Variants in TRDN observed in about 807,000 individuals in gnomAD.
TRDN encodes triadin.
A neutral mutation model predicts 149.7 loss-of-function variants in TRDN; 161 were observed. The ratio of observed to expected loss-of-function variants is 1.08; its 90% CI spans 0.95 to 1.23. TRDN has a LOEUF of 1.23. Ranked by LOEUF, TRDN falls within the 50% of genes most tolerant of loss-of-function variation. The pLI is 0.00. For synonymous variants in TRDN, 294 were observed against 250.5 expected, an observed-to-expected ratio of 1.17 and a Z score of -1.64; for missense variants, 896 against 823.5, an observed-to-expected ratio of 1.09 and a Z score of -1.08.
chr6:123,441,662 C>T (rs1042302586), intron 10 of TRDN, among the ~76,000 whole-genome samples: 4 of 152,154 alleles, frequency 2.6e-5, no homozygotes, highest in Non-Finnish European at 5.9e-5. Flanking sequence ...ACTTTCTAAG[C>T]CCTCACAATG....
intron 10 of TRDN, among the ~76,000 whole-genome samples, chr6:123,460,698 G>C (rs374703147): frequency 6.6e-6 from 1 of 151,922 alleles, no homozygotes; most frequent in East Asian, 1.9e-4. Context: ...AGGTAATAAA[G>C]TTCTTGGTTT....
rs183476202 is a variant in TRDN, at chr6:123,567,997, G to A, written c.232+2926C>T. On this transcript the variant is annotated intron_variant, in intron 2 of 40. Coordinates refer to ENST00000334268, the MANE Select transcript of TRDN (RefSeq NM_006073.4). ...CTGGAAATAAATTCCTTCCACCTAT[G>A]AGCCTGTAAAATCAAAAGAAGTTAT... 1.7e-3 allele frequency among the ~76,000 whole-genome samples: 265 copies of A among 152,190 alleles called. 1 individual carries two copies. Among genetic ancestry groups the A allele is most frequent in the African/African-American group, 6.1e-3 (254 of 41,506 alleles).
chr6:123,276,887 C>T (rs1777386632), intron 26 of TRDN, among the ~76,000 whole-genome samples: 1 of 152,094 alleles, frequency 6.6e-6, no homozygotes, highest in Admixed American at 6.6e-5. Flanking sequence ...GTTAATGGGA[C>T]CTCCTGTGGT....
chr6:123,426,844 T>C (rs1047553748), intron 12 of TRDN, among the ~76,000 whole-genome samples: 2 of 152,150 alleles, frequency 1.3e-5, no homozygotes, highest in South Asian at 2.1e-4. Context: ...ATACTGTTCT[T>C]AATTGCAGAG....
rs74770111 is a variant in TRDN, at chr6:123,301,137, T to C, written c.1510+15320A>G. ...TCTTAGCTTTACTTTAGGTTTCCAATTCAAAATAGCGCACAATTTCAAATT... is the reference window on the plus strand; with the variant it reads ...TCTTAGCTTTACTTTAGGTTTCCAACTCAAAATAGCGCACAATTTCAAATT... On this transcript the variant is annotated intron_variant, in intron 24 of 40. Coordinates refer to ENST00000334268, the MANE Select transcript of TRDN (RefSeq NM_006073.4). Among the ~76,000 whole-genome samples, 19 of 152,112 alleles carry C rather than the reference T, an allele frequency of 1.2e-4. No individual in the cohort carries two copies. The East Asian group carries it at 3.7e-3, about 29-fold the overall frequency.
At chr6:123,232,992 T>C (rs1162106283) in intron 38 of TRDN, among the ~76,000 whole-genome samples, 1 of 152,064 alleles carries the variant, frequency 6.6e-6, no homozygotes, top group African/African-American at 2.4e-5. Context: ...TAAGTAAACA[T>C]GTGGAATCCT....
At chr6:123,506,624 G>A (rs916592027) in intron 7 of TRDN, among the ~76,000 whole-genome samples, 1 of 152,054 alleles carries the variant, frequency 6.6e-6, no homozygotes, top group Non-Finnish European at 1.5e-5. Flanking sequence ...GAGTAGCTGG[G>A]ATTTCAGGTG....
intron 12 of TRDN, among the ~76,000 whole-genome samples, chr6:123,417,173 C>T (rs1283573082): frequency 2.0e-5 from 3 of 152,188 alleles, no homozygotes; most frequent in African/African-American, 7.2e-5. Flanking sequence ...CTCAGTCCTG[C>T]ATCTCCCTTT....
At chr6:123,298,203 G>T (rs1379722991) in intron 24 of TRDN, among the ~76,000 whole-genome samples, 1 of 152,030 alleles carries the variant, frequency 6.6e-6, no homozygotes, top group Non-Finnish European at 1.5e-5. Flanking sequence ...TTCTAATAAT[G>T]AAACTAGCCA....
chr6:123,332,727 A>G (rs1023987591), intron 22 of TRDN, among the ~76,000 whole-genome samples: 2 of 152,066 alleles, frequency 1.3e-5, no homozygotes, highest in African/African-American at 4.8e-5. Context: ...AAAGAAAGAG[A>G]TCTATCCTTT....
At chr6:123,367,432 C>T (rs1196294661) in intron 19 of TRDN, among the ~76,000 whole-genome samples, 1 of 152,118 alleles carries the variant, frequency 6.6e-6, no homozygotes, top group Non-Finnish European at 1.5e-5. Flanking sequence ...CTCTCTGTGC[C>T]ACAAAACCCG....
At chr6:123,225,123 C>G (rs576143328) in intron 38 of TRDN, among the ~76,000 whole-genome samples, 1 of 138,818 alleles carries the variant, frequency 7.2e-6, no homozygotes, top group African/African-American at 2.5e-5. Flanking sequence ...GACCAACAGG[C>G]ACGTGGAAAG....
At chr6:123,399,206 C>A (rs1772859533) in intron 12 of TRDN, among the ~76,000 whole-genome samples, 1 of 152,058 alleles carries the variant, frequency 6.6e-6, no homozygotes. Flanking sequence ...ATAGATGTTA[C>A]ACATAAAATC....
At position 123,391,985 on chromosome 6, in the gene TRDN, G is replaced by A. The variant is rs558231732; in HGVS notation, c.1105+1639C>T. Among the ~76,000 whole-genome samples, 15 of 152,162 alleles carry A rather than the reference G, an allele frequency of 9.9e-5. No individual in the cohort carries two copies. The East Asian group carries it at 1.7e-3, about 18-fold the overall frequency. ...AGATCTATGGAGGATTTGCAAAGACGCGAATGATATGCAGTTCTGCTTTGA... is the reference window on the plus strand; with the variant it reads ...AGATCTATGGAGGATTTGCAAAGACACGAATGATATGCAGTTCTGCTTTGA... On this transcript the variant is annotated intron_variant, in intron 13 of 40. Transcript: ENST00000334268.
chr6:123,343,096 T>C (rs1780124037), intron 21 of TRDN, among the ~76,000 whole-genome samples: 1 of 152,066 alleles, frequency 6.6e-6, no homozygotes, highest in African/African-American at 2.4e-5. Context: ...TAAAATGAAA[T>C]GGCCAATATC....
intron 21 of TRDN, among the ~76,000 whole-genome samples, chr6:123,342,072 A>G (rs897802068): frequency 6.6e-6 from 1 of 151,956 alleles, no homozygotes; most frequent in African/African-American, 2.4e-5. Flanking sequence ...CTCGGCTGCA[A>G]GCATTGGAGT....
At chr6:123,349,162 A>G (rs1383573992) in intron 21 of TRDN, among the ~76,000 whole-genome samples, 1 of 152,144 alleles carries the variant, frequency 6.6e-6, no homozygotes, top group African/African-American at 2.4e-5. Flanking sequence ...GAGATAAAAT[A>G]TAAGAATAAA....
chr6:123,543,476 A>G (rs572036792), intron 4 of TRDN, among the ~76,000 whole-genome samples: 1 of 152,176 alleles, frequency 6.6e-6, no homozygotes, highest in African/African-American at 2.4e-5. Flanking sequence ...AGCTAAGGAT[A>G]TACATTGTAC....
At chr6:123,235,714 A>G (rs1411852085) in intron 38 of TRDN, among the ~76,000 whole-genome samples, 1 of 152,124 alleles carries the variant, frequency 6.6e-6, no homozygotes, top group African/African-American at 2.4e-5. Flanking sequence ...CTCCTCCTTT[A>G]TAGTGACACT....
Sources: gnomAD v4.1 joint callset for allele counts (sites outside exome capture counted in the v4.1 genomes callset) on GRCh38, gnomAD v4.1.1 for gene constraint, MANE v1.5 for transcripts, NCBI Gene and HGNC (gene_info 2026-07-23, HGNC 2026-07-21) for gene names.